The following ZNF583 variants were observed in gnomAD, a reference collection of about 807,000 sequenced individuals.
ZNF583 encodes zinc finger protein L3-5.
ZNF583 carries 30 observed loss-of-function variants against 55.3 expected under a neutral mutation model. That is an observed-to-expected ratio of 0.54 (90% CI 0.41 to 0.74). The LOEUF is 0.74. Among genes scored for constraint, ZNF583 ranks in the 30% least tolerant of loss-of-function variants. The probability of loss-of-function intolerance (pLI) is 0.00; values close to 1 mark genes in which losing one functional copy is unlikely to be tolerated. For missense variants in ZNF583, 504 were observed against 664.7 expected (o/e 0.76, Z 2.66); for synonymous variants, 208 against 220.0 (o/e 0.95, Z 0.48).
intron 2 of ZNF583, among the ~76,000 whole-genome samples, chr19:56,412,408 T>A (rs1357433823): frequency 6.6e-6 from 1 of 152,244 alleles, no homozygotes; most frequent in East Asian, 1.9e-4. Flanking sequence ...AGATCCTTAA[T>A]TCAACATTCG....
intron 3 of ZNF583, 76 bp downstream of exon 3, chr19:56,414,161 G>A (rs911967784): frequency 1.7e-5 from 26 of 1,543,872 alleles, no homozygotes; most frequent in African/African-American, 9.6e-5. Flanking sequence ...AACCTCTGAC[G>A]TGCTTCACTA....
chr19:56,409,142 G>A (rs186041292), intron 2 of ZNF583, among the ~76,000 whole-genome samples: 38 of 152,214 alleles, frequency 2.5e-4, no homozygotes, highest in Admixed American at 3.9e-4. Context: ...TGTGGCATAT[G>A]TCACTACCTG....
rs117514798 is a variant in ZNF583, at chr19:56,404,704, A to C, written c.-90+252A>C. ...GACCATGTGGGACAAATGTGGGACT[A>C]TGTGTGACAGTATGAGACTGGGTGT... On this transcript the variant is annotated intron_variant, in intron 1 of 4. Transcript: ENST00000333201. The surrounding 1 kb of genome is among the most constrained non-coding windows in gnomAD (Gnocchi z 5.2). Among the ~76,000 whole-genome samples, 613 of 152,040 alleles carry C rather than the reference A, an allele frequency of 4.0e-3. 2 individuals are homozygous for C. Among genetic ancestry groups the C allele is most frequent in the Non-Finnish European group, 7.0e-3 (478 of 67,970 alleles).
Position 56,423,879 on chromosome 19 carries a change from T to C in ZNF583, c.1221T>C (p.Pro407=). 1 of 1,613,472 alleles carries C rather than the reference T, an allele frequency of 6.2e-7. No individual in the cohort carries two copies. Among genetic ancestry groups the C allele is most frequent in the Non-Finnish European group, 8.5e-7 (1 of 1,179,828 alleles). Residue 407 remains proline (P), a synonymous_variant, in exon 5 of 5, where the codon CCT becomes CCC. Coordinates refer to ENST00000333201, the MANE Select transcript of ZNF583 (RefSeq NM_152478.3). ...AGAGAGTTCATACTGGAGAAAAACC[T>C]TATGAATGTAAAGTATGTAGGAAAG... ...QHQRVHTGEK[P]YECKVCRKAF...
At chr19:56,408,224 TAC>T (rs1348403234) in intron 2 of ZNF583, among the ~76,000 whole-genome samples, 2 of 152,066 alleles carry the variant, frequency 1.3e-5, no homozygotes, top group Non-Finnish European at 2.9e-5. Context: ...TATATATATA[TAC>T]ACACACACAC....
intron 2 of ZNF583, among the ~76,000 whole-genome samples, chr19:56,411,470 AAC>A (rs1363594229): frequency 6.6e-6 from 1 of 152,238 alleles, no homozygotes; most frequent in Non-Finnish European, 1.5e-5. Context: ...AGATAGTTAA[AAC>A]ACAGACTCTA....
Position 56,407,062 on chromosome 19 carries a change from G to A in ZNF583, c.-53G>A. 1 of 1,607,598 alleles carries A rather than the reference G, an allele frequency of 6.2e-7. No individual in the cohort carries two copies. Among genetic ancestry groups the A allele is most frequent in the Non-Finnish European group, 8.5e-7 (1 of 1,174,958 alleles). On this transcript the variant is annotated 5_prime_UTR_variant, in exon 2 of 5. Coordinates refer to ENST00000333201, the MANE Select transcript of ZNF583 (RefSeq NM_152478.3). ...CAGGATACTGTCCCTCTCCCACAGA[G>A]GAGCTGAAGGAGTAGGACAGAAGAA... is the stretch of plus-strand genomic sequence containing the variant.
At position 56,423,246 on chromosome 19, in the gene ZNF583, A is replaced by G; in HGVS notation, c.588A>G (p.Lys196=). The G allele has an allele frequency of 6.2e-7, 1 of 1,611,518 alleles. No homozygotes were observed. Among genetic ancestry groups the G allele is most frequent in the South Asian group, 1.1e-5 (1 of 90,338 alleles). The part of the protein sequence containing the change: ...HEPQKKSYRK[K]SVEMKHRKVY... ...CACAAAAGAAAAGTTACCGAAAAAA[A>G]TCTGTTGAAATGAAACATAGGAAAG... is the stretch of plus-strand genomic sequence containing the variant. The change falls in exon 5 of 5, where the codon AAA becomes AAG. Residue 196 remains lysine, a synonymous_variant. Coordinates refer to ENST00000333201, the MANE Select transcript of ZNF583 (RefSeq NM_152478.3).
At chr19:56,422,003 G>A (rs2042423375) in intron 4 of ZNF583, among the ~76,000 whole-genome samples, 1 of 152,254 alleles carries the variant, frequency 6.6e-6, no homozygotes, top group Admixed American at 6.5e-5. Context: ...GATATCTGTG[G>A]AAAGTGCTTT....
chr19:56,413,534 T>G (rs2042270090), intron 2 of ZNF583, among the ~76,000 whole-genome samples: 1 of 152,208 alleles, frequency 6.6e-6, no homozygotes, highest in African/African-American at 2.4e-5. Context: ...TTTGGAAAAA[T>G]GCCAGATTCA....
At chr19:56,421,621 C>A in intron 4 of ZNF583, 1 of 454,662 alleles carries the variant, frequency 2.2e-6, no homozygotes, top group Non-Finnish European at 2.9e-6. Context: ...AGACATTTAC[C>A]CCATTCATGC....
rs2042463983 is a variant in ZNF583 at position 56,424,030 on chromosome 19, CA to C, written c.1373del (p.His458LeufsTer91). 6.2e-7 allele frequency: 1 copy of C among 1,613,940 alleles called. No homozygotes were observed. Among genetic ancestry groups the C allele is most frequent in the Non-Finnish European group, 8.5e-7 (1 of 1,180,024 alleles). On this transcript the variant is annotated frameshift_variant, in exon 5 of 5. Coordinates refer to ENST00000333201, the MANE Select transcript of ZNF583 (RefSeq NM_152478.3). LOFTEE classifies it high-confidence loss of function. Reference sequence around the variant, plus strand: ...ATCACTTGCACAACATCAGAGAAGTCATACTGGAGAAAAACCCTATATGTGT... The same window carrying C: ...ATCACTTGCACAACATCAGAGAAGTCTACTGGAGAAAAACCCTATATGTGT... ...SSSLAQHQRS[H>X]TGEKPYMCKE...
Position 56,423,517 on chromosome 19 carries a change from CAG to C in ZNF583, c.864_865del (p.Arg288SerfsTer11), listed in dbSNP as rs759925007. 1.9e-6 allele frequency: 3 copies of C among 1,613,660 alleles called. No homozygotes were observed. Among genetic ancestry groups the C allele is most frequent in the East Asian group, 4.5e-5 (2 of 44,872 alleles). The stretch of plus-strand genomic sequence containing the variant: ...CCAGAATGCACACCTGGCCCAACAT[CAG>C]AGAGTTCATACTGGAGAGAAACCTT... ...FSQNAHLAQH[Q>X]RVHTGEKPYQ... On this transcript the variant is annotated frameshift_variant, in exon 5 of 5. Coordinates refer to ENST00000333201, the MANE Select transcript of ZNF583 (RefSeq NM_152478.3). LOFTEE classifies it high-confidence loss of function.
At position 56,404,938 on chromosome 19, in the gene ZNF583, CTG is replaced by C. The variant is rs909560271; in HGVS notation, c.-90+495_-90+496del. 1.3e-5 allele frequency among the ~76,000 whole-genome samples: 2 copies of C among 151,572 alleles called. No homozygotes were observed. Among genetic ancestry groups the C allele is most frequent in the African/African-American group, 4.9e-5 (2 of 41,234 alleles). ...AAGACCATGTCACTGTGTGTGTGAC[CTG>C]TGTGTGTGGGATAATGTAAGACTGT... On this transcript the variant is annotated intron_variant, in intron 1 of 4. Transcript: ENST00000333201. The surrounding 1 kb of genome is among the most constrained non-coding windows in gnomAD (Gnocchi z 5.2).
In ZNF583 at chr19:56,424,728, C is replaced by T. The variant is rs2042477569; in HGVS notation, c.*360C>T. 1 of 174,260 alleles carries T rather than the reference C, an allele frequency of 5.7e-6. No homozygotes were observed. The highest frequency in any genetic ancestry group is 1.5e-4 in the South Asian group (1 of 6,522). The allele number at this position is 174,260 out of a possible 1,614,324, so 10.8% of individuals were successfully genotyped here. A position where few individuals can be genotyped will look rare whatever the true frequency, so the allele number is the denominator to read the frequency against. ...TGAATACTTATCCAGGATTAAGATA[C>T]ATATTCCAGGATCAAAAAGACCTGG... is the stretch of plus-strand genomic sequence containing the variant. On this transcript the variant is annotated 3_prime_UTR_variant, in exon 5 of 5. Coordinates refer to ENST00000333201, the MANE Select transcript of ZNF583 (RefSeq NM_152478.3).
At chr19:56,406,878 T>G in intron 1 of ZNF583, 148 bp from the exon 2 acceptor site, 1 of 481,154 alleles carries the variant, frequency 2.1e-6, no homozygotes, top group Non-Finnish European at 3.7e-6. Context: ...AATTGTAAAT[T>G]TAGATATAAA....
chr19:56,423,699 A>G lies in ZNF583; in HGVS notation c.1041A>G (p.Thr347=). The G allele has an allele frequency of 6.2e-7, 1 of 1,613,220 alleles. No individual in the cohort carries two copies. Among genetic ancestry groups the G allele is most frequent in the Non-Finnish European group, 8.5e-7 (1 of 1,179,790 alleles). Residue 347 remains threonine (T), a synonymous_variant, in exon 5 of 5, where the codon ACA becomes ACG. Coordinates refer to ENST00000333201, the MANE Select transcript of ZNF583 (RefSeq NM_152478.3). The stretch of plus-strand genomic sequence containing the variant: ...TTGCTCAGCATCAGAGAATTCATAC[A>G]GGAGAGAAACCTTATGTGTGTAATG... ...SFLAQHQRIH[T]GEKPYVCNVC...
At chr19:56,418,114 A>G (rs923860089) in intron 4 of ZNF583, among the ~76,000 whole-genome samples, 1 of 152,170 alleles carries the variant, frequency 6.6e-6, no homozygotes, top group African/African-American at 2.4e-5. Flanking sequence ...GTTTTAGATC[A>G]TTTGCATTTC....
chr19:56,406,822 T>C (rs182569837), intron 1 of ZNF583, among the ~76,000 whole-genome samples: 2,999 of 152,268 alleles, frequency 0.02, 54 homozygotes, highest in Non-Finnish European at 0.03. Flanking sequence ...CCACCGCGCC[T>C]GGCCCGTATG....
Sources: gnomAD v4.1 joint callset for allele counts (sites outside exome capture counted in the v4.1 genomes callset) on GRCh38, gnomAD v4.1.1 for gene constraint, Gnocchi (gnomAD v3.1) non-coding constraint, MANE v1.5 for transcripts, NCBI Gene and HGNC (gene_info 2026-07-23, HGNC 2026-07-21) for gene names.